RAB10: variants seen among roughly 807,000 people sequenced by gnomAD.
The protein encoded by RAB10 is RAB10, member RAS oncogene family.
RAB10 carries 5 observed loss-of-function variants against 25.7 expected under a neutral mutation model. That is an observed-to-expected ratio of 0.19 (90% confidence interval 0.10 to 0.41). The LOEUF is 0.41. Ranked by LOEUF, RAB10 falls within the 10% of genes least tolerant of loss-of-function variation. The pLI is 1.00. For synonymous variants in RAB10, 89 were observed against 86.4 expected (o/e 1.03, Z -0.16); for missense variants, 103 against 245.8 (o/e 0.42, Z 3.89).
intron 1 of RAB10, 48 bp downstream of exon 1, chr2:26,034,783 T>C (rs1427561989): frequency 6.2e-7 from 1 of 1,606,432 alleles, no homozygotes. Flanking sequence ...CTGCATACCG[T>C]TTATTTTACT....
intron 1 of RAB10, among the ~76,000 whole-genome samples, chr2:26,078,415 T>G (rs1281997101): frequency 6.6e-6 from 1 of 152,164 alleles, no homozygotes; most frequent in Non-Finnish European, 1.5e-5. Context: ...ATTTCAGTGC[T>G]TAAAAGAAAG....
intron 1 of RAB10, among the ~76,000 whole-genome samples, chr2:26,041,092 G>T (rs1443345164): frequency 6.6e-6 from 1 of 151,472 alleles, no homozygotes; most frequent in Non-Finnish European, 1.5e-5. Context: ...GCATTTAATG[G>T]GTGCACCATA....
intron 1 of RAB10, among the ~76,000 whole-genome samples, chr2:26,059,347 T>C (rs775009778): frequency 8.5e-5 from 13 of 152,248 alleles, no homozygotes; most frequent in South Asian, 2.1e-4. Context: ...AAAGTTCTTA[T>C]GAAATTTTAT....
chr2:26,130,023 A>G (rs1293868629), intron 5 of RAB10, among the ~76,000 whole-genome samples: 2 of 152,228 alleles, frequency 1.3e-5, no homozygotes, highest in African/African-American at 4.8e-5. Context: ...GGTAGATACC[A>G]AAGTCTAAAT....
chr2:26,059,434 A>G (rs1305196171), intron 1 of RAB10, among the ~76,000 whole-genome samples: 1 of 152,226 alleles, frequency 6.6e-6, no homozygotes, highest in Admixed American at 6.5e-5. Context: ...AGCATAAGCA[A>G]GCATACATTA....
intron 5 of RAB10, among the ~76,000 whole-genome samples, chr2:26,132,467 T>TG (rs1430276724): frequency 2.0e-5 from 3 of 152,182 alleles, no homozygotes; most frequent in Non-Finnish European, 4.4e-5. Context: ...TTGGCCAGAC[T>TG]GGTCTCGAAG....
intron 1 of RAB10, among the ~76,000 whole-genome samples, chr2:26,090,837 A>G (rs1667091086): frequency 6.6e-6 from 1 of 151,972 alleles, no homozygotes; most frequent in Admixed American, 6.6e-5. Context: ...TGGGCACTGC[A>G]GCAGAAGAAA....
At position 26,133,485 on chromosome 2, in the gene RAB10, C is replaced by G. The variant is rs188747507; in HGVS notation, c.520-1453C>G. 7.2e-5 allele frequency among the ~76,000 whole-genome samples: 11 copies of G among 152,120 alleles called. No homozygotes were observed. In the South Asian group the frequency reaches 2.3e-3, roughly 32 times the overall value. ...CTGGCAGGAAAGGGGCACAAGGGAG[C>G]CTTCTTGGGAGTATTATGTTCTATA... On this transcript the variant is annotated intron_variant, in intron 5 of 5. Transcript: ENST00000264710.
chr2:26,094,855 G>A (rs904197149), intron 1 of RAB10, among the ~76,000 whole-genome samples: 4 of 152,330 alleles, frequency 2.6e-5, no homozygotes, highest in Admixed American at 2.6e-4. Context: ...CACTGTGCCC[G>A]GCCCCACTTA....
At chr2:26,048,301 G>A (rs967753611) in intron 1 of RAB10, among the ~76,000 whole-genome samples, 1 of 152,102 alleles carries the variant, frequency 6.6e-6, no homozygotes, top group Non-Finnish European at 1.5e-5. Flanking sequence ...TTCCAGAATG[G>A]CTATACCATT....
At chr2:26,127,753 A>G (rs1667933406) in intron 4 of RAB10, 97 bp from the exon 5 acceptor site, 2 of 804,074 alleles carry the variant, frequency 2.5e-6, no homozygotes, top group East Asian at 2.5e-5. Flanking sequence ...AGTTGGGACC[A>G]CTGCCTTCAG....
In RAB10 at chr2:26,120,900, T is replaced by A. The variant is rs146104712; in HGVS notation, c.328-6244T>A. On this transcript the variant is annotated intron_variant, in intron 3 of 5. Coordinates refer to ENST00000264710, the MANE Select transcript of RAB10 (RefSeq NM_016131.5). ...CCACCGCATCCAGCCAGCGAGTTTC[T>A]TTATAGTATATTATAATTTTTTTTT... Among the ~76,000 whole-genome samples the A allele has an allele frequency of 4.2e-3, 631 of 151,714 alleles. 4 individuals are homozygous for A. Among genetic ancestry groups the A allele is most frequent in the African/African-American group, 0.014 (588 of 41,352 alleles).
At chr2:26,115,821 A>G (rs1667675257) in intron 3 of RAB10, among the ~76,000 whole-genome samples, 1 of 152,012 alleles carries the variant, frequency 6.6e-6, no homozygotes, top group African/African-American at 2.4e-5. Context: ...ACCCTTGAAC[A>G]ATGTGGGTTT....
At position 26,135,085 on chromosome 2, in the gene RAB10, C is replaced by A; in HGVS notation, c.*64C>A. ...TTTTCTCTTCTTGCTGCAAAATAAA[C>A]CACTCTGTCCATTTTTAACTCTAAA... On this transcript the variant is annotated 3_prime_UTR_variant, in exon 6 of 6. Coordinates refer to ENST00000264710, the MANE Select transcript of RAB10 (RefSeq NM_016131.5). The A allele has an allele frequency of 1.5e-6, 2 of 1,305,864 alleles. No homozygotes were observed. Among genetic ancestry groups the A allele is most frequent in the Non-Finnish European group, 2.2e-6 (2 of 925,402 alleles). The allele number at this position is 1,305,864 out of a possible 1,614,324, so 80.9% of individuals were successfully genotyped here.
chr2:26,042,378 G>A (rs1221791962), intron 1 of RAB10, among the ~76,000 whole-genome samples: 2 of 152,104 alleles, frequency 1.3e-5, no homozygotes, highest in East Asian at 3.9e-4. Context: ...GCTCACACCT[G>A]TATTTCCAAC....
chr2:26,099,414 T>C (rs1029757833), intron 2 of RAB10, among the ~76,000 whole-genome samples: 7 of 152,090 alleles, frequency 4.6e-5, no homozygotes, highest in African/African-American at 1.7e-4. Context: ...ATTTGTCACC[T>C]CAAAAGTTTC....
intron 1 of RAB10, among the ~76,000 whole-genome samples, chr2:26,055,609 G>C (rs918198599): frequency 2.6e-5 from 4 of 152,072 alleles, no homozygotes; most frequent in African/African-American, 9.6e-5. Context: ...GGCTGGTCTT[G>C]AACTCCTGAC....
intron 1 of RAB10, among the ~76,000 whole-genome samples, chr2:26,093,408 A>G (rs1247005122): frequency 6.6e-6 from 1 of 152,122 alleles, no homozygotes; most frequent in Non-Finnish European, 1.5e-5. Flanking sequence ...GGATCAAACC[A>G]ATATTCTTTA....
At chr2:26,105,669 G>T (rs1228882114) in intron 2 of RAB10, among the ~76,000 whole-genome samples, 2 of 152,110 alleles carry the variant, frequency 1.3e-5, no homozygotes, top group Non-Finnish European at 2.9e-5. Context: ...AAAAGAGAAT[G>T]CAGTCAACTG....
Sources: gnomAD v4.1 joint callset for allele counts (sites outside exome capture counted in the v4.1 genomes callset) on GRCh38, gnomAD v4.1.1 for gene constraint, MANE v1.5 for transcripts, NCBI Gene and HGNC (gene_info 2026-07-23, HGNC 2026-07-21) for gene names.